The following DAB2IP variants were observed in gnomAD, a reference collection of about 807,000 sequenced individuals.
DAB2IP encodes the protein disabled homolog 2-interacting protein.
Under a neutral mutation model 107.2 loss-of-function variants are expected in DAB2IP, and 28 were observed. That is an observed-to-expected ratio of 0.26 (90% CI 0.19 to 0.36). DAB2IP has a LOEUF of 0.36. DAB2IP is among the 10% of genes least tolerant of loss of function. The probability of loss-of-function intolerance (pLI) is 1.00; values close to 1 mark genes in which losing one functional copy is unlikely to be tolerated. For synonymous variants in DAB2IP, 755 were observed against 706.4 expected, an observed-to-expected ratio of 1.07 and a Z score of -1.09; for missense variants, 1,400 against 1,644.7, an observed-to-expected ratio of 0.85 and a Z score of 2.57.
At chr9:121,731,330 C>G (rs1258988308) in intron 3 of DAB2IP, among the ~76,000 whole-genome samples, 4 of 152,174 alleles carry the variant, frequency 2.6e-5, no homozygotes, top group African/African-American at 7.2e-5. Flanking sequence ...AGTGATCTCT[C>G]TCCCTCTGGC....
At chr9:121,592,590 T>C (rs914008773) in intron 1 of DAB2IP, among the ~76,000 whole-genome samples, 1 of 152,206 alleles carries the variant, frequency 6.6e-6, no homozygotes, top group African/African-American at 2.4e-5. Flanking sequence ...AGTGACCATA[T>C]AGCCCTGTCA....
In DAB2IP at chr9:121,774,635, C is replaced by T. The variant is rs115059562; in HGVS notation, c.3120+223C>T. 5.4e-3 allele frequency among the ~76,000 whole-genome samples: 815 copies of T among 152,320 alleles called. 8 individuals carry two copies. The highest frequency in any genetic ancestry group is 0.019 in the African/African-American group (776 of 41,570). ...GCTTAGACCTGAGGCTTCCCATCTG[C>T]AGATTGGAATCACCAGGGAATTGTC... On this transcript the variant is annotated intron_variant, in intron 13 of 15. Transcript: ENST00000408936.
At chr9:121,741,599 C>T (rs908108623) in intron 3 of DAB2IP, among the ~76,000 whole-genome samples, 2 of 152,008 alleles carry the variant, frequency 1.3e-5, no homozygotes. Context: ...TCCTTGTCTC[C>T]TTATGGGACG....
At chr9:121,771,434 AGGT>A (rs1030148665) in intron 11 of DAB2IP, among the ~76,000 whole-genome samples, 2 of 152,094 alleles carry the variant, frequency 1.3e-5, no homozygotes, top group Non-Finnish European at 2.9e-5. Flanking sequence ...GTCTCCCCCA[AGGT>A]GGTGGCAGGG....
rs1832067897 is a variant in DAB2IP at position 121,635,850 on chromosome 9, G to A, written c.41-42828G>A. Among the ~76,000 whole-genome samples the A allele has an allele frequency of 1.3e-5, 2 of 152,126 alleles. No homozygotes were observed. Among genetic ancestry groups the A allele is most frequent in the African/African-American group, 4.8e-5 (2 of 41,424 alleles). On this transcript the variant is annotated intron_variant, in intron 1 of 16. Coordinates refer to the DAB2IP transcript ENST00000259371. This position sits in a 1 kb window ranked among gnomAD's most constrained non-coding sequence, Gnocchi z 4.3. ...TCTGCCCAGGAGAGTCACATTTGTG[G>A]GACCCTGCTGCAGAGGACCTTCCCA...
intron 1 of DAB2IP, among the ~76,000 whole-genome samples, chr9:121,620,405 GAGCTCTGGAGTCTGA>G (rs1831421749): frequency 6.6e-6 from 1 of 152,364 alleles, no homozygotes; most frequent in South Asian, 2.1e-4. Context: ...AGGTGTGTGT[GAGCTCTGGAGTCTGA>G]ATGGGTTTAG....
upstream of DAB2IP, among the ~76,000 whole-genome samples, chr9:121,647,395 C>T (rs944076674): frequency 6.6e-6 from 1 of 152,182 alleles, no homozygotes. Flanking sequence ...TCTTTTCTCA[C>T]TGACTTCAAC....
chr9:121,774,039 G>C (rs1280822353), intron 12 of DAB2IP, among the ~76,000 whole-genome samples: 1 of 152,192 alleles, frequency 6.6e-6, no homozygotes, highest in Non-Finnish European at 1.5e-5. Flanking sequence ...AGAGTGTGGT[G>C]CTCAGGAGGC....
At chr9:121,664,675 G>T (rs771423598) in intron 1 of DAB2IP, among the ~76,000 whole-genome samples, 2 of 152,204 alleles carry the variant, frequency 1.3e-5, no homozygotes, top group Non-Finnish European at 2.9e-5. Flanking sequence ...CAGCTAACAA[G>T]TTAAACAAGT....
Position 121,701,277 on chromosome 9 carries a change from G to A in DAB2IP, c.362+1819G>A, listed in dbSNP as rs576396277. Among the ~76,000 whole-genome samples the A allele has an allele frequency of 2.4e-4, 36 of 152,322 alleles. No homozygotes were observed. Among genetic ancestry groups the A allele is most frequent in the African/African-American group, 7.9e-4 (33 of 41,578 alleles). On this transcript the variant is annotated intron_variant, in intron 3 of 15. Transcript: ENST00000408936. The surrounding 1 kb of genome is among the most constrained non-coding windows in gnomAD (Gnocchi z 4.7). ...CTGTACCTAGAAGCCGGCAAGTGCTGGCTGGCCACCCTAGCCAGAGGTCGG... is the reference window on the plus strand; with the variant it reads ...CTGTACCTAGAAGCCGGCAAGTGCTAGCTGGCCACCCTAGCCAGAGGTCGG...
In DAB2IP at chr9:121,776,434, G is replaced by A. The variant is rs762427198; in HGVS notation, c.3314+43G>A. The A allele has an allele frequency of 1.5e-5, 22 of 1,469,516 alleles. No individual in the cohort carries two copies. The highest frequency in any genetic ancestry group is 2.5e-4 in the Middle Eastern group (1 of 3,974). The allele number at this position is 1,469,516 out of a possible 1,614,324, so 91.0% of individuals were successfully genotyped here. ...CTGGCCTGGCCACAGGCACAGGCAG[G>A]GCAGCCATCGCTGCCTTCGAGGAGG... On this transcript the variant is annotated intron_variant, in intron 14 of 15. Transcript: ENST00000408936. The surrounding 1 kb of genome is among the most constrained non-coding windows in gnomAD (Gnocchi z 5.4).
At chr9:121,783,427 C>A (rs779233902) in exon 16 of DAB2IP, 1 of 1,606,584 alleles carries the variant, frequency 6.2e-7, no homozygotes, top group South Asian at 1.1e-5. Context: ...ACCTGGTGCT[C>A]ACCCTGAAAG....
At position 121,684,474 on chromosome 9, in the gene DAB2IP, G is replaced by A. The variant is rs1489251474; in HGVS notation, c.228+5693G>A. Among the ~76,000 whole-genome samples, 1 of 152,166 alleles carries A rather than the reference G, an allele frequency of 6.6e-6. No individual in the cohort carries two copies. The highest frequency in any genetic ancestry group is 1.5e-5 in the Non-Finnish European group (1 of 68,040). ...CAGCCCCCATCACATTTCCTGGGAG[G>A]AATGGGTGTTCTTTGGTCCAACTGC... On this transcript the variant is annotated intron_variant, in intron 2 of 15. Transcript: ENST00000408936. This position sits in a 1 kb window ranked among gnomAD's most constrained non-coding sequence, Gnocchi z 4.0.
intron 1 of DAB2IP, among the ~76,000 whole-genome samples, chr9:121,573,748 GA>G (rs1830001186): frequency 6.6e-6 from 1 of 152,116 alleles, no homozygotes; most frequent in African/African-American, 2.4e-5. Flanking sequence ...TTCCAGATGA[GA>G]AAATTGAGGC....
In DAB2IP at chr9:121,599,171, T is replaced by C. The variant is rs535432365; in HGVS notation, c.40+31943T>C. Among the ~76,000 whole-genome samples, 2 of 152,076 alleles carry C rather than the reference T, an allele frequency of 1.3e-5. No individual in the cohort carries two copies. Among genetic ancestry groups the C allele is most frequent in the South Asian group, 4.2e-4 (2 of 4,816 alleles). On this transcript the variant is annotated intron_variant, in intron 1 of 16. Coordinates refer to the DAB2IP transcript ENST00000259371. This position sits in a 1 kb window ranked among gnomAD's most constrained non-coding sequence, Gnocchi z 6.9. ...GGGGAGCTGTAGGGTGGAAGAGGGA[T>C]AAGTAAAGCAAAGTCGCGGCCCACT...
intron 1 of DAB2IP, among the ~76,000 whole-genome samples, chr9:121,632,694 G>T (rs905621916): frequency 6.6e-6 from 1 of 152,216 alleles, no homozygotes; most frequent in Non-Finnish European, 1.5e-5. Flanking sequence ...GGAGTTCCCA[G>T]GGTCGGGAAG....
chr9:121,629,603 C>T lies in DAB2IP; in HGVS notation c.41-49075C>T, dbSNP rs150945658. On this transcript the variant is annotated intron_variant, in intron 1 of 16. Transcript: ENST00000259371. ...GAACATAAAATAAGTGCCTGGGAGGCGGCCAGGGCCCCTGAAGCCCCGAGC... is the reference window on the plus strand; with the variant it reads ...GAACATAAAATAAGTGCCTGGGAGGTGGCCAGGGCCCCTGAAGCCCCGAGC... Among the ~76,000 whole-genome samples the T allele has an allele frequency of 9.1e-3, 1,384 of 152,274 alleles. 17 individuals are homozygous for T. The highest frequency in any genetic ancestry group is 0.029 in the African/African-American group (1,221 of 41,548).
At chr9:121,576,570 T>C (rs549266887) in intron 1 of DAB2IP, among the ~76,000 whole-genome samples, 1 of 152,174 alleles carries the variant, frequency 6.6e-6, no homozygotes, top group South Asian at 2.1e-4. Context: ...ATGAGTAAAG[T>C]CCATTTGCTT....
rs1488281257 is a variant in DAB2IP, at chr9:121,699,862, G to C, written c.362+404G>C. ...CTGCCTTGGGAGCCCCTGGGTATCA[G>C]ATACAAAAGGCATTTTCGGCCGGGT... is the stretch of plus-strand genomic sequence containing the variant. On this transcript the variant is annotated intron_variant, in intron 3 of 15. Coordinates refer to ENST00000408936, the Ensembl canonical transcript of DAB2IP. This position sits in a 1 kb window ranked among gnomAD's most constrained non-coding sequence, Gnocchi z 6.2. Among the ~76,000 whole-genome samples the C allele has an allele frequency of 6.6e-6, 1 of 152,222 alleles. No individual in the cohort carries two copies. Among genetic ancestry groups the C allele is most frequent in the Non-Finnish European group, 1.5e-5 (1 of 68,040 alleles).
Sources: gnomAD v4.1 joint callset for allele counts (sites outside exome capture counted in the v4.1 genomes callset) on GRCh38, gnomAD v4.1.1 for gene constraint, Gnocchi (gnomAD v3.1) non-coding constraint, MANE v1.5 for transcripts, NCBI Gene and HGNC (gene_info 2026-07-23, HGNC 2026-07-21) for gene names.